Variants in ARHGAP10 observed in about 807,000 individuals in gnomAD.
ARHGAP10 encodes the protein Rho GTPase activating protein 10.
In ARHGAP10, 87 loss-of-function variants were observed where a neutral mutation model predicts 108.6. That is an observed-to-expected ratio of 0.80 (90% CI 0.67 to 0.96). The LOEUF (loss-of-function observed/expected upper bound fraction) is 0.96. ARHGAP10 is among the 40% of genes least tolerant of loss of function. The pLI, the probability that ARHGAP10 is intolerant of heterozygous loss-of-function variation, is 0.00. For missense variants in ARHGAP10, 939 were observed against 954.5 expected, an observed-to-expected ratio of 0.98 and a Z score of 0.21; for synonymous variants, 347 against 341.1, an observed-to-expected ratio of 1.02 and a Z score of -0.19.
intron 10 of ARHGAP10, among the ~76,000 whole-genome samples, chr4:147,888,613 T>G (rs995113940): frequency 6.6e-6 from 1 of 152,210 alleles, no homozygotes; most frequent in African/African-American, 2.4e-5. Context: ...TTCATATCCT[T>G]TAGTCTAAAA....
intron 1 of ARHGAP10, among the ~76,000 whole-genome samples, chr4:147,740,975 T>C (rs1405406518): frequency 6.6e-6 from 1 of 152,236 alleles, no homozygotes; most frequent in Non-Finnish European, 1.5e-5. Context: ...CAATATATAA[T>C]GTGTTTGCAT....
intron 18 of ARHGAP10, among the ~76,000 whole-genome samples, chr4:147,997,384 A>G (rs1173378823): frequency 3.3e-5 from 5 of 152,256 alleles, no homozygotes; most frequent in Admixed American, 3.3e-4. Flanking sequence ...AAATAAAGTG[A>G]CTAAATATGA....
chr4:147,800,554 G>C (rs1731540291), intron 1 of ARHGAP10, among the ~76,000 whole-genome samples: 1 of 152,152 alleles, frequency 6.6e-6, no homozygotes, highest in South Asian at 2.1e-4. Context: ...GCCTACCTGA[G>C]CTGCCTTTTG....
chr4:147,922,216 G>T (rs2126935974), intron 13 of ARHGAP10, among the ~76,000 whole-genome samples: 1 of 152,218 alleles, frequency 6.6e-6, no homozygotes, highest in African/African-American at 2.4e-5. Flanking sequence ...GGCAAGTTAG[G>T]AGGAGTGGTA....
At chr4:147,792,017 G>A (rs531590347) in intron 1 of ARHGAP10, among the ~76,000 whole-genome samples, 4 of 152,184 alleles carry the variant, frequency 2.6e-5, no homozygotes, top group Non-Finnish European at 5.9e-5. Flanking sequence ...GTGTATGTGC[G>A]TTTCTCTGGG....
chr4:147,754,530 G>A (rs1729291138), intron 1 of ARHGAP10, among the ~76,000 whole-genome samples: 1 of 152,124 alleles, frequency 6.6e-6, no homozygotes, highest in African/African-American at 2.4e-5. Flanking sequence ...CTCAGTGGGG[G>A]TTGTTAGAAA....
chr4:147,910,686 T>A (rs935059501), intron 12 of ARHGAP10, among the ~76,000 whole-genome samples: 11 of 152,140 alleles, frequency 7.2e-5, no homozygotes, highest in African/African-American at 2.7e-4. Context: ...TTTTTTTTTT[T>A]AACTTACATA....
chr4:147,937,249 TG>T (rs1262747493), intron 13 of ARHGAP10, among the ~76,000 whole-genome samples: 1 of 152,182 alleles, frequency 6.6e-6, no homozygotes, highest in African/African-American at 2.4e-5. Context: ...CTCTCTGGCA[TG>T]GGGATAGCTG....
intron 1 of ARHGAP10, among the ~76,000 whole-genome samples, chr4:147,820,219 A>G (rs559855711): frequency 6.6e-6 from 1 of 152,294 alleles, no homozygotes; most frequent in East Asian, 1.9e-4. Flanking sequence ...AAGAGCAACC[A>G]GTGTGTCTAG....
chr4:147,927,541 T>C (rs1423158142), intron 13 of ARHGAP10, among the ~76,000 whole-genome samples: 1 of 152,234 alleles, frequency 6.6e-6, no homozygotes, highest in Non-Finnish European at 1.5e-5. Flanking sequence ...ACTCGGTAGC[T>C]GAGCAGATAT....
rs562524753 is a variant in ARHGAP10 at position 147,773,845 on chromosome 4, C to T, written c.154+41390C>T. Among the ~76,000 whole-genome samples, 25 of 152,296 alleles carry T rather than the reference C, an allele frequency of 1.6e-4. No homozygotes were observed. The South Asian group carries it at 5.2e-3, about 32-fold the overall frequency. On this transcript the variant is annotated intron_variant, in intron 1 of 22. Coordinates refer to ENST00000336498, the MANE Select transcript of ARHGAP10 (RefSeq NM_024605.4). ...AGGCACATTTGAGAGCTCCTGGAAA[C>T]CCCTTTATAGGATTATTTCCTTGTC...
At chr4:147,835,917 C>T (rs1394479891) in intron 3 of ARHGAP10, among the ~76,000 whole-genome samples, 1 of 152,148 alleles carries the variant, frequency 6.6e-6, no homozygotes, top group African/African-American at 2.4e-5. Flanking sequence ...CTTACTGTCC[C>T]TTATGCACAG....
At position 147,948,090 on chromosome 4, in the gene ARHGAP10, G is replaced by A. The variant is rs77049699; in HGVS notation, c.1391+1386G>A. On this transcript the variant is annotated intron_variant, in intron 15 of 22. Coordinates refer to ENST00000336498, the MANE Select transcript of ARHGAP10 (RefSeq NM_024605.4). ...TGAGTAGCTGAGATTACAGGCACTC[G>A]CCACCATGTCCGGCTAATTTTTTGG... 9.2e-5 allele frequency among the ~76,000 whole-genome samples: 14 copies of A among 151,916 alleles called. No homozygotes were observed. The East Asian group carries it at 9.7e-4, about 11-fold the overall frequency.
At chr4:147,960,039 T>G (rs1738935169) in intron 16 of ARHGAP10, among the ~76,000 whole-genome samples, 3 of 152,204 alleles carry the variant, frequency 2.0e-5, no homozygotes, top group Admixed American at 1.3e-4. Context: ...TTCTACTATT[T>G]TGCAGAGTCT....
intron 18 of ARHGAP10, among the ~76,000 whole-genome samples, chr4:147,999,210 T>G (rs1404028428): frequency 6.6e-6 from 1 of 152,314 alleles, no homozygotes; most frequent in South Asian, 2.1e-4. Context: ...ACTAAAATGC[T>G]AATTAGGCAA....
chr4:147,887,861 C>T, intron 10 of ARHGAP10, among the ~76,000 whole-genome samples: 1 of 140,748 alleles, frequency 7.1e-6, no homozygotes, highest in South Asian at 2.3e-4. Context: ...GACTCCATCT[C>T]AAAAAAAAAA....
At chr4:147,795,311 G>A (rs1341787463) in intron 1 of ARHGAP10, among the ~76,000 whole-genome samples, 1 of 152,170 alleles carries the variant, frequency 6.6e-6, no homozygotes, top group Non-Finnish European at 1.5e-5. Context: ...TACTACTAGT[G>A]TGTTTACTTT....
intron 13 of ARHGAP10, among the ~76,000 whole-genome samples, chr4:147,936,267 C>G (rs552354633): frequency 2.0e-5 from 3 of 147,866 alleles, no homozygotes; most frequent in South Asian, 2.1e-4. Flanking sequence ...TAGCAACTTT[C>G]TTTTCTTTTT....
chr4:147,968,597 TCTTA>T (rs1191038874), intron 18 of ARHGAP10, among the ~76,000 whole-genome samples: 5 of 152,244 alleles, frequency 3.3e-5, no homozygotes, highest in African/African-American at 1.2e-4. Flanking sequence ...TGACTTGCTT[TCTTA>T]CTTGTTTCTC....
Sources: allele counts gnomAD v4.1 joint callset (sites outside exome capture counted in the v4.1 genomes callset), GRCh38; gene constraint gnomAD v4.1.1; transcripts MANE v1.5; gene names NCBI Gene and HGNC (gene_info 2026-07-23, HGNC 2026-07-21).